Variants in THEM4 observed in about 807,000 individuals in gnomAD.
THEM4 encodes the protein acyl-coenzyme A thioesterase THEM4.
A neutral mutation model predicts 25.0 loss-of-function variants in THEM4; 22 were observed. That is an observed-to-expected ratio of 0.88 (90% CI 0.63 to 1.26). The LOEUF (loss-of-function observed/expected upper bound fraction) is 1.26. THEM4 is among the 50% of genes most tolerant of loss of function. The probability of loss-of-function intolerance (pLI) is 0.00; values close to 1 mark genes in which losing one functional copy is unlikely to be tolerated. For synonymous variants in THEM4, 113 were observed against 105.6 expected, an observed-to-expected ratio of 1.07 and a Z score of -0.43; for missense variants, 286 against 300.3, an observed-to-expected ratio of 0.95 and a Z score of 0.35.
intron 1 of THEM4, among the ~76,000 whole-genome samples, chr1:151,903,330 C>G (rs987085663): frequency 1.3e-5 from 2 of 152,070 alleles, no homozygotes; most frequent in Non-Finnish European, 2.9e-5. Flanking sequence ...CAAAAACAAA[C>G]AAAATTTTAA....
intron 4 of THEM4, among the ~76,000 whole-genome samples, chr1:151,880,490 T>C (rs1653789351): frequency 6.6e-6 from 1 of 151,742 alleles, no homozygotes; most frequent in Non-Finnish European, 1.5e-5. Context: ...AAAAAAAAAA[T>C]TGAGAACAAT....
intron 5 of THEM4, among the ~76,000 whole-genome samples, chr1:151,875,224 G>A (rs537898715): frequency 3.4e-4 from 52 of 152,306 alleles, no homozygotes; most frequent in African/African-American, 1.1e-3. Context: ...GCACCTTTAT[G>A]ATATTGAAAG....
chr1:151,894,470 G>A (rs1213553468), intron 2 of THEM4, among the ~76,000 whole-genome samples: 1 of 152,126 alleles, frequency 6.6e-6, no homozygotes, highest in Non-Finnish European at 1.5e-5. Context: ...AGGGGATAAA[G>A]GGTATATGGG....
chr1:151,909,062 T>A (rs929680533), intron 1 of THEM4, among the ~76,000 whole-genome samples: 2 of 152,126 alleles, frequency 1.3e-5, no homozygotes, highest in Non-Finnish European at 2.9e-5. Flanking sequence ...ATTGGTAAAA[T>A]ACAGATGTTG....
Position 151,909,439 on chromosome 1 carries a change from G to C in THEM4, c.20C>G (p.Ala7Gly). The C allele has an allele frequency of 6.9e-7, 1 of 1,458,630 alleles. No individual in the cohort carries two copies. 90.4% of individuals were successfully genotyped at this position (1,458,630 alleles called of 1,614,324 possible). Residue 7 changes from alanine to glycine, a missense_variant, in exon 1 of 6, where the codon GCG (alanine) becomes GGG (glycine). Coordinates refer to ENST00000368814, the MANE Select transcript of THEM4 (RefSeq NM_053055.5). The part of the protein sequence containing the change: MLRSCA[A>G]RLRTLGALCL... Reference sequence around the variant, plus strand: ...CAGAGCCCCCAGCGTGCGGAGGCGCGCGGCGCAGCTCCTCAGCATGGCTCC... The same window carrying C: ...CAGAGCCCCCAGCGTGCGGAGGCGCCCGGCGCAGCTCCTCAGCATGGCTCC...
intron 4 of THEM4, among the ~76,000 whole-genome samples, chr1:151,885,217 C>G (rs1382233959): frequency 6.6e-6 from 1 of 152,142 alleles, no homozygotes; most frequent in Non-Finnish European, 1.5e-5. Context: ...CTCCCAGGTT[C>G]AAGCGATTCT....
intron 2 of THEM4, among the ~76,000 whole-genome samples, chr1:151,893,622 C>T (rs1182088364): frequency 6.6e-6 from 1 of 152,000 alleles, no homozygotes; most frequent in Non-Finnish European, 1.5e-5. Flanking sequence ...ACATCAGGCA[C>T]AGATGCAGGG....
chr1:151,891,343 C>T (rs1654087495), intron 2 of THEM4: 1 of 152,140 alleles, frequency 6.6e-6, no homozygotes, highest in Non-Finnish European at 1.5e-5. Context: ...AGAATGGAGA[C>T]AGGAGATGAA....
At chr1:151,897,534 T>A (rs557131561) in intron 1 of THEM4, among the ~76,000 whole-genome samples, 1 of 152,238 alleles carries the variant, frequency 6.6e-6, no homozygotes, top group Non-Finnish European at 1.5e-5. Flanking sequence ...CAGCCTATTG[T>A]GGGACCTTGT....
intron 2 of THEM4, among the ~76,000 whole-genome samples, chr1:151,891,819 T>C (rs770945896): frequency 6.6e-6 from 1 of 150,628 alleles, no homozygotes; most frequent in Non-Finnish European, 1.5e-5. Context: ...GGATGCTGAA[T>C]GGAGTTGGGT....
chr1:151,896,079 A>C (rs1441904031), intron 1 of THEM4, among the ~76,000 whole-genome samples: 1 of 133,802 alleles, frequency 7.5e-6, no homozygotes, highest in Non-Finnish European at 1.5e-5. Flanking sequence ...TGCAACCTCC[A>C]CCTCCTGGGT....
At chr1:151,888,705 G>C (rs192436330) in intron 3 of THEM4, among the ~76,000 whole-genome samples, 39 of 152,284 alleles carry the variant, frequency 2.6e-4, no homozygotes, top group African/African-American at 9.1e-4. Flanking sequence ...TCATGTGCCT[G>C]TAGTTCTGGC....
rs767971387 is a variant in THEM4 at position 151,874,745 on chromosome 1, C to T, written c.*143G>A. On this transcript the variant is annotated 3_prime_UTR_variant, in exon 6 of 6. Coordinates refer to ENST00000368814, the MANE Select transcript of THEM4 (RefSeq NM_053055.5). The stretch of plus-strand genomic sequence containing the variant: ...GTTGAGAAGATGGAAACTGAATCCT[C>T]TTTGTATTCAGAAGGCTGTTTCGGA... 5.3e-6 allele frequency: 4 copies of T among 757,714 alleles called. No individual in the cohort carries two copies. The highest frequency in any genetic ancestry group is 9.2e-6 in the Non-Finnish European group (4 of 433,920). 46.9% of individuals were successfully genotyped at this position (757,714 alleles called of 1,614,324 possible). A position where few individuals can be genotyped will look rare whatever the true frequency, so the allele number is the denominator to read the frequency against.
chr1:151,905,806 G>A (rs2101733077), intron 1 of THEM4, among the ~76,000 whole-genome samples: 1 of 152,344 alleles, frequency 6.6e-6, no homozygotes, highest in African/African-American at 2.4e-5. Flanking sequence ...TATCTAAACA[G>A]CACAGTGAAG....
At chr1:151,874,985 A>G in intron 5 of THEM4, 57 bp from the exon 6 acceptor site, 1 of 1,309,354 alleles carries the variant, frequency 7.6e-7, no homozygotes, top group South Asian at 1.2e-5. Context: ...AATTTGATGG[A>G]CTACTCTAAA....
At chr1:151,905,744 T>C (rs566426911) in intron 1 of THEM4, among the ~76,000 whole-genome samples, 33 of 152,350 alleles carry the variant, frequency 2.2e-4, no homozygotes, top group Non-Finnish European at 4.3e-4. Context: ...GCAAGTTTTA[T>C]GAGTTTATAG....
At chr1:151,902,857 G>A (rs2101731279) in intron 1 of THEM4, among the ~76,000 whole-genome samples, 1 of 152,130 alleles carries the variant, frequency 6.6e-6, no homozygotes, top group East Asian at 1.9e-4. Context: ...GCGAGATGGT[G>A]TGTGCCTGTG....
rs751563886 is a variant in THEM4, at chr1:151,872,122, CT to C, written c.*2765del. Among the ~76,000 whole-genome samples, 3 of 151,858 alleles carry C rather than the reference CT, an allele frequency of 2.0e-5. No homozygotes were observed. The highest frequency in any genetic ancestry group is 4.4e-5 in the Non-Finnish European group (3 of 68,032). On this transcript the variant is annotated 3_prime_UTR_variant, in exon 6 of 6. Coordinates refer to ENST00000368814, the MANE Select transcript of THEM4 (RefSeq NM_053055.5). Reference sequence around the variant, plus strand: ...CTCTCAGAATTTCTGGGAGAAGGAACTGCCAGCTTCACCCCTGCAGTGCCCC... The same window carrying C: ...CTCTCAGAATTTCTGGGAGAAGGAACGCCAGCTTCACCCCTGCAGTGCCCC...
intron 1 of THEM4, among the ~76,000 whole-genome samples, chr1:151,904,242 G>A (rs1284547711): frequency 6.6e-6 from 1 of 152,140 alleles, no homozygotes; most frequent in East Asian, 1.9e-4. Context: ...AAGATGTGAA[G>A]AACTAGAGGG....
Sources: allele counts gnomAD v4.1 joint callset (sites outside exome capture counted in the v4.1 genomes callset), GRCh38; gene constraint gnomAD v4.1.1; transcripts MANE v1.5; gene names NCBI Gene and HGNC (gene_info 2026-07-23, HGNC 2026-07-21).